The following ZNF385B variants were observed in gnomAD, a reference collection of about 807,000 sequenced individuals.
The protein encoded by ZNF385B is zinc finger protein 533.
ZNF385B carries 23 observed loss-of-function variants against 39.2 expected under a neutral mutation model. That is an observed-to-expected ratio of 0.59 (90% CI 0.42 to 0.83). The LOEUF (loss-of-function observed/expected upper bound fraction) is 0.83, where lower values mean the gene tolerates loss of function less well. ZNF385B is among the 40% of genes least tolerant of loss of function. ZNF385B has a pLI of 0.00. For synonymous variants in ZNF385B, 205 were observed against 222.6 expected (o/e 0.92, Z 0.70); for missense variants, 552 against 598.9 (o/e 0.92, Z 0.82).
chr2:179,530,708 A>G (rs1337321839), intron 4 of ZNF385B, among the ~76,000 whole-genome samples: 3 of 152,196 alleles, frequency 2.0e-5, no homozygotes, highest in Admixed American at 1.3e-4. Context: ...CTGTTCGAAT[A>G]TATTTCTTCA....
At chr2:179,599,707 A>G (rs2106098960) in intron 3 of ZNF385B, among the ~76,000 whole-genome samples, 1 of 152,350 alleles carries the variant, frequency 6.6e-6, no homozygotes, top group East Asian at 1.9e-4. Context: ...CAAGGATACC[A>G]GTACTAACTA....
chr2:179,514,136 T>C (rs2057907807), intron 5 of ZNF385B: 2 of 152,232 alleles, frequency 1.3e-5, no homozygotes, highest in Admixed American at 1.3e-4. Flanking sequence ...AACATCGAGG[T>C]GTCAGCAGGG....
At position 179,711,482 on chromosome 2, in the gene ZNF385B, C is replaced by T. The variant is rs115723858; in HGVS notation, c.298+58021G>A. Among the ~76,000 whole-genome samples the T allele has an allele frequency of 3.9e-3, 597 of 152,194 alleles. 1 individual carries two copies. The highest frequency in any genetic ancestry group is 6.8e-3 in the Middle Eastern group (2 of 294). ...CGAGGGTATGCTGGGGTGGAATGTA[C>T]GGCAGATGTACCTGATAGCAAGAGT... On this transcript the variant is annotated intron_variant, in intron 3 of 9. Transcript: ENST00000410066.
intron 3 of ZNF385B, among the ~76,000 whole-genome samples, chr2:179,555,795 T>G (rs2060867082): frequency 6.7e-6 from 1 of 149,184 alleles, no homozygotes; most frequent in African/African-American, 2.5e-5. Flanking sequence ...TATCTAGAAC[T>G]CTGAGTCTAT....
At chr2:179,710,573 T>C (rs758737773) in intron 3 of ZNF385B, among the ~76,000 whole-genome samples, 6 of 152,206 alleles carry the variant, frequency 3.9e-5, no homozygotes, top group Admixed American at 1.3e-4. Context: ...CCTCCTACCA[T>C]GTGCTGAAGA....
At chr2:179,773,683 A>G (rs1287837030) in intron 1 of ZNF385B, among the ~76,000 whole-genome samples, 1 of 152,214 alleles carries the variant, frequency 6.6e-6, no homozygotes, top group Admixed American at 6.5e-5. Context: ...GGCAGAGGGC[A>G]AGACGCCAGG....
In ZNF385B at chr2:179,567,205, C is replaced by T. The variant is rs552197348; in HGVS notation, c.299-22236G>A. Among the ~76,000 whole-genome samples the T allele has an allele frequency of 1.6e-4, 25 of 152,218 alleles. No individual in the cohort carries two copies. The East Asian group carries it at 3.1e-3, about 19-fold the overall frequency. On this transcript the variant is annotated intron_variant, in intron 3 of 9. Transcript: ENST00000410066. ...GCTGGGATTACAGGCATTGAGCCAC[C>T]GTGCCAGGCCCATAATCTTTTTTAA... is the stretch of plus-strand genomic sequence containing the variant.
intron 5 of ZNF385B, among the ~76,000 whole-genome samples, chr2:179,511,701 A>C (rs2105778476): frequency 6.6e-6 from 1 of 152,308 alleles, no homozygotes; most frequent in African/African-American, 2.4e-5. Flanking sequence ...TACCATTTTA[A>C]CTTCTAAGCA....
At chr2:179,643,525 C>T (rs1423046825) in intron 3 of ZNF385B, among the ~76,000 whole-genome samples, 1 of 152,046 alleles carries the variant, frequency 6.6e-6, no homozygotes, top group African/African-American at 2.4e-5. Flanking sequence ...AAATACTGCT[C>T]AGCAATAAAA....
At chr2:179,600,127 C>T (rs1688298927) in intron 3 of ZNF385B, among the ~76,000 whole-genome samples, 1 of 152,202 alleles carries the variant, frequency 6.6e-6, no homozygotes, top group African/African-American at 2.4e-5. Context: ...ATGTCTGATT[C>T]TTCAATTGTG....
intron 1 of ZNF385B, among the ~76,000 whole-genome samples, chr2:179,773,223 A>T (rs548363939): frequency 6.2e-4 from 94 of 152,236 alleles, no homozygotes; most frequent in Non-Finnish European, 1.2e-3. Flanking sequence ...TCTCTGTTGC[A>T]TATGTACAGC....
chr2:179,743,196 T>C (rs1050439257), intron 3 of ZNF385B, among the ~76,000 whole-genome samples: 1 of 152,054 alleles, frequency 6.6e-6, no homozygotes, highest in Non-Finnish European at 1.5e-5. Context: ...ACAAATTCAA[T>C]TTGTTTCATG....
chr2:179,637,629 G>A (rs3112943), intron 3 of ZNF385B, among the ~76,000 whole-genome samples: 83,009 of 150,982 alleles, frequency 0.55, 23,099 homozygotes, highest in Middle Eastern at 0.65. Flanking sequence ...GCATCGCACC[G>A]AATGCCTGCA....
chr2:179,763,558 T>C (rs1703519825), intron 3 of ZNF385B, among the ~76,000 whole-genome samples: 1 of 152,210 alleles, frequency 6.6e-6, no homozygotes, highest in Admixed American at 6.5e-5. Context: ...GTTTGGTTTA[T>C]CTATTCTTTT....
chr2:179,586,566 T>G (rs559251005), intron 3 of ZNF385B, among the ~76,000 whole-genome samples: 1 of 152,296 alleles, frequency 6.6e-6, no homozygotes, highest in Non-Finnish European at 1.5e-5. Context: ...GACTTACAGC[T>G]CTTGTGTTAT....
intron 1 of ZNF385B, among the ~76,000 whole-genome samples, chr2:179,783,776 A>G (rs536957114): frequency 6.6e-6 from 1 of 152,262 alleles, no homozygotes; most frequent in African/African-American, 2.4e-5. Flanking sequence ...ATGAGATACC[A>G]TCTTACACCA....
chr2:179,620,614 A>T (rs1690128787), intron 3 of ZNF385B, among the ~76,000 whole-genome samples: 1 of 151,874 alleles, frequency 6.6e-6, no homozygotes, highest in Non-Finnish European at 1.5e-5. Flanking sequence ...AGTTTTCCTA[A>T]CTCCTATGAC....
At chr2:179,700,915 G>A (rs1233780161) in intron 3 of ZNF385B, among the ~76,000 whole-genome samples, 2 of 152,166 alleles carry the variant, frequency 1.3e-5, no homozygotes, top group Admixed American at 6.5e-5. Flanking sequence ...TCGGGAGGCT[G>A]AGGCAAGAGA....
intron 3 of ZNF385B, among the ~76,000 whole-genome samples, chr2:179,671,292 T>C (rs1695968008): frequency 6.6e-6 from 1 of 152,190 alleles, no homozygotes; most frequent in African/African-American, 2.4e-5. Flanking sequence ...AAATATTCTC[T>C]TTTTCTGATT....
Sources: gnomAD v4.1 joint callset for allele counts (sites outside exome capture counted in the v4.1 genomes callset) on GRCh38, gnomAD v4.1.1 for gene constraint, MANE v1.5 for transcripts, NCBI Gene and HGNC (gene_info 2026-07-23, HGNC 2026-07-21) for gene names.